Variants in TRABD2A observed in about 807,000 individuals in gnomAD.
TRABD2A encodes TraB domain containing 2A, also known as metalloprotease TIKI1.
In TRABD2A, 43 loss-of-function variants were observed where a neutral mutation model predicts 45.6. The observed-to-expected ratio is 0.94, with a 90% CI of 0.74 to 1.22. TRABD2A has a LOEUF of 1.22. Ranked by LOEUF, TRABD2A falls within the 50% of genes most tolerant of loss-of-function variation. The pLI, the probability that TRABD2A is intolerant of heterozygous loss-of-function variation, is 0.00. For missense variants in TRABD2A, 642 were observed against 652.4 expected, an observed-to-expected ratio of 0.98 and a Z score of 0.17; for synonymous variants, 269 against 265.0, an observed-to-expected ratio of 1.02 and a Z score of -0.15.
chr2:84,865,938 A>G (rs1273065870), intron 2 of TRABD2A, among the ~76,000 whole-genome samples: 1 of 152,262 alleles, frequency 6.6e-6, no homozygotes, highest in African/African-American at 2.4e-5. Flanking sequence ...TGCAGCTGGC[A>G]GTACCAAGCA....
chr2:84,848,872 C>G (rs1655176091), intron 2 of TRABD2A, among the ~76,000 whole-genome samples: 1 of 151,970 alleles, frequency 6.6e-6, no homozygotes, highest in African/African-American at 2.4e-5. Flanking sequence ...CTGCCTGGTC[C>G]TGAAACTATA....
chr2:84,843,087 C>A (rs897608596), intron 2 of TRABD2A, among the ~76,000 whole-genome samples: 1 of 151,542 alleles, frequency 6.6e-6, no homozygotes, highest in Non-Finnish European at 1.5e-5. Context: ...GGCTGGCCAC[C>A]CCCTACGAGG....
At chr2:84,866,052 C>T (rs938538222) in intron 2 of TRABD2A, among the ~76,000 whole-genome samples, 20 of 152,190 alleles carry the variant, frequency 1.3e-4, no homozygotes, top group Admixed American at 2.6e-4. Flanking sequence ...TCCAGGCATC[C>T]GTGTCAGGGT....
intron 2 of TRABD2A, among the ~76,000 whole-genome samples, chr2:84,866,682 C>CT (rs111567421): frequency 0.17 from 24,160 of 139,060 alleles, 2,060 homozygotes; most frequent in South Asian, 0.23. Context: ...CAATTTCCTG[C>CT]TTTTTTTTTT....
chr2:84,870,978 G>A (rs1198147821), intron 1 of TRABD2A, among the ~76,000 whole-genome samples, 193 bp from the exon 2 acceptor site: 1 of 152,122 alleles, frequency 6.6e-6, no homozygotes, highest in Admixed American at 6.5e-5. Flanking sequence ...TATGAAATCA[G>A]GGGCTCATTA....
chr2:84,861,151 G>T (rs1277756445), intron 2 of TRABD2A, among the ~76,000 whole-genome samples: 1 of 152,200 alleles, frequency 6.6e-6, no homozygotes, highest in African/African-American at 2.4e-5. Flanking sequence ...TTTGGCACCA[G>T]GTACAGTTTG....
At chr2:84,877,213 G>A (rs747863359) in intron 1 of TRABD2A, among the ~76,000 whole-genome samples, 5 of 151,820 alleles carry the variant, frequency 3.3e-5, no homozygotes, top group Admixed American at 1.3e-4. Flanking sequence ...GCGAGCCCCC[G>A]GACCCTTGCA....
At chr2:84,859,394 T>G (rs1027001152) in intron 2 of TRABD2A, among the ~76,000 whole-genome samples, 5 of 151,970 alleles carry the variant, frequency 3.3e-5, no homozygotes, top group African/African-American at 7.3e-5. Flanking sequence ...AAAGTGGGGG[T>G]AAATCAAGAT....
chr2:84,870,806 A>C lies in TRABD2A; in HGVS notation c.109-21T>G, dbSNP rs374263896. On this transcript the variant is annotated intron_variant, in intron 1 of 6. Coordinates refer to ENST00000409520, the MANE Select transcript of TRABD2A (RefSeq NM_001277053.2). ...CTTTGCTGAAAAGAAAAGAGGTAAC[A>C]TCAAGGTATAATATGGGGGAGAGGC... 3.2e-6 allele frequency: 5 copies of C among 1,543,318 alleles called. No individual in the cohort carries two copies. In the African/African-American group the frequency reaches 6.8e-5, roughly 21 times the overall value.
chr2:84,841,205 T>A (rs1439961001), intron 3 of TRABD2A, among the ~76,000 whole-genome samples: 1 of 152,230 alleles, frequency 6.6e-6, no homozygotes, highest in Non-Finnish European at 1.5e-5. Flanking sequence ...GGGAAGCCTG[T>A]TGATAAAAGC....
At chr2:84,880,419 AG>A (rs1683160143) in intron 1 of TRABD2A, among the ~76,000 whole-genome samples, 2 of 152,194 alleles carry the variant, frequency 1.3e-5, no homozygotes, top group Non-Finnish European at 2.9e-5. Flanking sequence ...TCAGTTTCCC[AG>A]ATCGGTAAAA....
At chr2:84,858,380 T>C (rs1330510583) in intron 2 of TRABD2A, among the ~76,000 whole-genome samples, 1 of 152,220 alleles carries the variant, frequency 6.6e-6, no homozygotes, top group African/African-American at 2.4e-5. Flanking sequence ...TTTTGGCCCA[T>C]TCAGAATAGC....
In TRABD2A at chr2:84,860,513, A is replaced by G. The variant is rs542010539; in HGVS notation, c.669+9712T>C. Among the ~76,000 whole-genome samples the G allele has an allele frequency of 3.3e-5, 5 of 152,340 alleles. No homozygotes were observed. The East Asian group carries it at 7.7e-4, about 23-fold the overall frequency. On this transcript the variant is annotated intron_variant, in intron 2 of 6. Transcript: ENST00000409520. The stretch of plus-strand genomic sequence containing the variant: ...TCTCAGACTTCTAGCCTCTAGAATC[A>G]TGAGGCCGACACTTTCTGTTGTTTA...
At chr2:84,845,376 A>G (rs1252128239) in intron 2 of TRABD2A, among the ~76,000 whole-genome samples, 1 of 152,142 alleles carries the variant, frequency 6.6e-6, no homozygotes, top group African/African-American at 2.4e-5. Context: ...TAAAATGACT[A>G]CTGGAGAGTT....
intron 4 of TRABD2A, chr2:84,836,675 A>C (rs2105377482): frequency 6.6e-6 from 1 of 152,178 alleles, no homozygotes; most frequent in Non-Finnish European, 1.5e-5. Context: ...TTAGGTATAC[A>C]TTGGCACACT....
chr2:84,850,528 C>T (rs140268564), intron 2 of TRABD2A, among the ~76,000 whole-genome samples: 66 of 152,170 alleles, frequency 4.3e-4, no homozygotes, highest in African/African-American at 1.6e-3. Flanking sequence ...GTAATGCAAA[C>T]ACTCAGTAGG....
intron 2 of TRABD2A, among the ~76,000 whole-genome samples, chr2:84,844,909 A>G (rs2105384678): frequency 6.6e-6 from 1 of 152,306 alleles, no homozygotes; most frequent in African/African-American, 2.4e-5. Context: ...GTGCTTAAAT[A>G]CCTTCCTCAA....
At chr2:84,831,822 G>A (rs142235057) in intron 5 of TRABD2A, among the ~76,000 whole-genome samples, 34 of 152,170 alleles carry the variant, frequency 2.2e-4, no homozygotes, top group African/African-American at 7.5e-4. Flanking sequence ...TGAGGAAAAC[G>A]CCAGTGTGGC....
intron 1 of TRABD2A, among the ~76,000 whole-genome samples, chr2:84,879,257 C>A (rs1358076455): frequency 6.6e-6 from 1 of 151,524 alleles, no homozygotes; most frequent in African/African-American, 2.4e-5. Flanking sequence ...AATCACACCT[C>A]ACTGGCCTCC....
Sources: allele counts gnomAD v4.1 joint callset (sites outside exome capture counted in the v4.1 genomes callset), GRCh38; gene constraint gnomAD v4.1.1; transcripts MANE v1.5; gene names NCBI Gene and HGNC (gene_info 2026-07-23, HGNC 2026-07-21).